The following CCNC variants were observed in gnomAD, a reference collection of about 807,000 sequenced individuals.
CCNC encodes the protein cyclin-C.
In CCNC, 19 loss-of-function variants were observed where a neutral mutation model predicts 50.0. The ratio of observed to expected loss-of-function variants is 0.38; its 90% CI spans 0.27 to 0.56. The LOEUF (loss-of-function observed/expected upper bound fraction) is 0.56. Ranked by LOEUF, CCNC falls within the 20% of genes least tolerant of loss-of-function variation. The probability of loss-of-function intolerance (pLI) is 0.72; values close to 1 mark genes in which losing one functional copy is unlikely to be tolerated. For synonymous variants in CCNC, 93 were observed against 103.7 expected, an observed-to-expected ratio of 0.90 and a Z score of 0.63; for missense variants, 200 against 327.1, an observed-to-expected ratio of 0.61 and a Z score of 3.00.
chr6:99,558,390 A>T, intron 5 of CCNC, 107 bp downstream of exon 5: 1 of 1,502,974 alleles, frequency 6.7e-7, no homozygotes. Flanking sequence ...AATTTAATAA[A>T]GCCAACCAAT....
chr6:99,568,628 C>T lies in CCNC; in HGVS notation c.-101G>A. The T allele has an allele frequency of 6.4e-7, 1 of 1,554,024 alleles. No homozygotes were observed. The highest frequency in any genetic ancestry group is 8.7e-7 in the Non-Finnish European group (1 of 1,151,078). On this transcript the variant is annotated 5_prime_UTR_variant, in exon 1 of 12. Transcript: ENST00000520429. ...CGGTAACCGCGCTCCTCGATCAAAT[C>T]AGCTCGGCTCGACTCCGCTCCGCGG...
chr6:99,563,674 T>TA (rs1180434162), intron 1 of CCNC, among the ~76,000 whole-genome samples: 1 of 152,220 alleles, frequency 6.6e-6, no homozygotes, highest in Non-Finnish European at 1.5e-5. Context: ...TATTTTCTGA[T>TA]ACCCTTAAGG....
At chr6:99,551,318 A>C (rs1802289238) in intron 6 of CCNC, among the ~76,000 whole-genome samples, 1 of 152,148 alleles carries the variant, frequency 6.6e-6, no homozygotes, top group Admixed American at 6.6e-5. Flanking sequence ...CTGTAAAACC[A>C]TCAGATTTTC....
chr6:99,543,332 G>A lies in CCNC; in HGVS notation c.*223C>T, dbSNP rs1006473627. 2.8e-5 allele frequency: 13 copies of A among 457,484 alleles called. No homozygotes were observed. Among genetic ancestry groups the A allele is most frequent in the Non-Finnish European group, 5.0e-5 (13 of 258,430 alleles). 28.3% of individuals were successfully genotyped at this position (457,484 alleles called of 1,614,324 possible). On this transcript the variant is annotated 3_prime_UTR_variant, in exon 12 of 12. Transcript: ENST00000520429. ...AATGTCTATGTATGTCTGTCTGTAGGTCCCCTTAGAACCTTTCCAAACATT... is the reference window on the plus strand; with the variant it reads ...AATGTCTATGTATGTCTGTCTGTAGATCCCCTTAGAACCTTTCCAAACATT...
chr6:99,565,523 C>T (rs1457227989), intron 1 of CCNC, among the ~76,000 whole-genome samples: 3 of 151,984 alleles, frequency 2.0e-5, no homozygotes, highest in Admixed American at 6.6e-5. Context: ...TTTATTTCCA[C>T]GTATTGATAA....
chr6:99,567,406 CATACACACACACACATATATAT>C (rs1769179022), intron 1 of CCNC, among the ~76,000 whole-genome samples: 3 of 117,292 alleles, frequency 2.6e-5, no homozygotes, highest in Admixed American at 8.9e-5. Flanking sequence ...TATATATATA[CATACACACACACACATATATAT>C]ACACACACAC....
intron 1 of CCNC, among the ~76,000 whole-genome samples, chr6:99,566,397 A>G (rs1406743078): frequency 1.3e-5 from 2 of 152,004 alleles, no homozygotes; most frequent in Non-Finnish European, 2.9e-5. Flanking sequence ...CATTCCATAT[A>G]TGGTACTATT....
chr6:99,548,021 TA>T (rs1428596585), intron 9 of CCNC, among the ~76,000 whole-genome samples: 2 of 152,026 alleles, frequency 1.3e-5, no homozygotes, highest in Non-Finnish European at 1.5e-5. Context: ...GCAAAGACAT[TA>T]AAAGGAGGAA....
intron 5 of CCNC, among the ~76,000 whole-genome samples, chr6:99,556,201 TAA>T (rs1802503614): frequency 6.6e-6 from 1 of 152,250 alleles, no homozygotes; most frequent in Non-Finnish European, 1.5e-5. Flanking sequence ...TAAATTGTGT[TAA>T]GATATACAAA....
At chr6:99,551,729 G>C in intron 6 of CCNC, 111 bp downstream of exon 6, 1 of 593,960 alleles carries the variant, frequency 1.7e-6, no homozygotes. Flanking sequence ...CTGTATTTAT[G>C]TAATATTTGA....
At chr6:99,558,423 A>G in intron 5 of CCNC, 74 bp downstream of exon 5, 1 of 1,569,634 alleles carries the variant, frequency 6.4e-7, no homozygotes, top group Non-Finnish European at 8.6e-7. Flanking sequence ...ATAAACTAAA[A>G]AAAAAAAAAT....
chr6:99,568,258 A>G (rs1307677536), intron 1 of CCNC: 6 of 571,824 alleles, frequency 1.0e-5, no homozygotes, highest in Non-Finnish European at 1.9e-5. Context: ...CCTTCCCGGG[A>G]GACGAAACTC....
At chr6:99,567,068 C>G (rs1769159402) in intron 1 of CCNC, 1 of 341,226 alleles carries the variant, frequency 2.9e-6, no homozygotes, top group Non-Finnish European at 5.7e-6. Flanking sequence ...AGAATAGTTT[C>G]AAAGAAGTAC....
chr6:99,566,990 T>C (rs1314723572), intron 1 of CCNC: 1 of 453,306 alleles, frequency 2.2e-6, no homozygotes, highest in African/African-American at 2.0e-5. Flanking sequence ...AGAAACTCCA[T>C]GACTGCTCAA....
At chr6:99,550,518 C>G in intron 7 of CCNC, 1 of 453,984 alleles carries the variant, frequency 2.2e-6, no homozygotes. Context: ...TGGAATATAC[C>G]TTGATAAATC....
chr6:99,549,347 T>G (rs1802201177), intron 9 of CCNC, 161 bp downstream of exon 9: 3 of 685,780 alleles, frequency 4.4e-6, no homozygotes, highest in Non-Finnish European at 5.3e-6. Flanking sequence ...TCCTGATTTA[T>G]GACAGTTGCA....
intron 9 of CCNC, among the ~76,000 whole-genome samples, chr6:99,549,145 G>A (rs562237959): frequency 1.1e-3 from 164 of 152,192 alleles, no homozygotes; most frequent in Non-Finnish European, 1.6e-3. Context: ...CAACCTCTGA[G>A]TATTTGTTTG....
intron 10 of CCNC, among the ~76,000 whole-genome samples, 159 bp downstream of exon 10, chr6:99,546,236 G>T (rs1802065341): frequency 6.6e-6 from 1 of 152,134 alleles, no homozygotes; most frequent in South Asian, 2.1e-4. Flanking sequence ...AAAGTGCTGG[G>T]ATTACAGACA....
intron 5 of CCNC, among the ~76,000 whole-genome samples, chr6:99,556,343 T>G (rs969529417): frequency 5.9e-5 from 9 of 152,184 alleles, no homozygotes; most frequent in African/African-American, 2.2e-4. Context: ...CACACAATAT[T>G]TGTCTTTGTT....
Sources: gnomAD v4.1 joint callset for allele counts (sites outside exome capture counted in the v4.1 genomes callset) on GRCh38, gnomAD v4.1.1 for gene constraint, MANE v1.5 for transcripts, NCBI Gene and HGNC (gene_info 2026-07-23, HGNC 2026-07-21) for gene names.